DHX37: variants seen among roughly 807,000 people sequenced by gnomAD.
DHX37 encodes probable ATP-dependent RNA helicase DHX37.
Under a neutral mutation model 134.3 loss-of-function variants are expected in DHX37, and 52 were observed. That is an observed-to-expected ratio of 0.39 (90% CI 0.31 to 0.49). The LOEUF is 0.49. DHX37 is among the 20% of genes least tolerant of loss of function. DHX37 has a pLI of 0.93. For missense variants in DHX37, 1,344 were observed against 1,580.8 expected, an observed-to-expected ratio of 0.85 and a Z score of 2.54; for synonymous variants, 634 against 670.7, an observed-to-expected ratio of 0.95 and a Z score of 0.85.
At chr12:124,978,219 C>T (rs745720238) in intron 4 of DHX37, among the ~76,000 whole-genome samples, 4 of 151,992 alleles carry the variant, frequency 2.6e-5, no homozygotes, top group Non-Finnish European at 5.9e-5. Flanking sequence ...CCTCGGCCTC[C>T]CAAAGTGCTG....
At chr12:124,950,270 G>C (rs1431522259) in intron 23 of DHX37, 27 bp from the exon 24 acceptor site, 1 of 1,612,524 alleles carries the variant, frequency 6.2e-7, no homozygotes, top group African/African-American at 1.3e-5. Context: ...AGTGAGACAG[G>C]GACCCTCCTG....
In DHX37 at chr12:124,971,383, G is replaced by T. The variant is rs1954519577; in HGVS notation, c.1110C>A (p.Ile370=). 1.2e-6 allele frequency: 2 copies of T among 1,613,318 alleles called. No individual in the cohort carries two copies. Among genetic ancestry groups the T allele is most frequent in the Admixed American group, 3.3e-5 (2 of 60,000 alleles). ...DFLLLRYKVV[I]IDEAHERSVY... is the part of the protein sequence containing the mutation. ...CGCTCCTCTCGTGGGCCTCGTCGATGATCACCACCTTGTACCGCAGCAGCA... is the reference window on the plus strand; with the variant it reads ...CGCTCCTCTCGTGGGCCTCGTCGATTATCACCACCTTGTACCGCAGCAGCA... Residue 370 remains isoleucine (I), a synonymous_variant, in exon 8 of 27, where the codon ATC becomes ATA. Transcript: ENST00000308736.
intron 12 of DHX37, 101 bp from the exon 13 acceptor site, chr12:124,965,913 C>T (rs888317833): frequency 4.1e-6 from 6 of 1,480,272 alleles, no homozygotes; most frequent in Non-Finnish European, 5.5e-6. Context: ...AGCCCCGGTC[C>T]ACACCCATGG....
At chr12:124,961,338 A>G (rs899835096) in intron 15 of DHX37, among the ~76,000 whole-genome samples, 12 of 149,660 alleles carry the variant, frequency 8.0e-5, no homozygotes, top group Non-Finnish European at 1.5e-4. Flanking sequence ...GTGCACGCAC[A>G]CACACACACA....
rs557413907 is a variant in DHX37, at chr12:124,973,483, A to G, written c.981-884T>C. Among the ~76,000 whole-genome samples the G allele has an allele frequency of 2.8e-5, 4 of 140,552 alleles. No individual in the cohort carries two copies. In the South Asian group the frequency reaches 8.8e-4, roughly 31 times the overall value. The allele number at this position is 140,552 out of a possible 152,430, so 92.2% of individuals were successfully genotyped here. ...TTGAGGATAAAATAAGATACCTAAG[A>G]TTTGCTTCTAAACAGTGGGGGGGAG... is the stretch of plus-strand genomic sequence containing the variant. On this transcript the variant is annotated intron_variant, in intron 6 of 26. Coordinates refer to ENST00000308736, the MANE Select transcript of DHX37 (RefSeq NM_032656.4).
intron 2 of DHX37, among the ~76,000 whole-genome samples, chr12:124,983,785 C>CAAAAAA (rs11298102): frequency 8.5e-6 from 1 of 117,434 alleles, no homozygotes. Flanking sequence ...ACCTTGTCTC[C>CAAAAAA]AAAAAAAAAA....
rs1381962254 is a variant in DHX37 at position 124,954,211 on chromosome 12, T to C, written c.2454A>G (p.Arg818=). ...TGAGCTCCTCGTCACTGGCCGCTGG[T>C]CTGCAAACACACATACATACTGTCT... ...TVRELFEELD[R]PAASDEELTR... is the part of the protein sequence containing the mutation. The change falls in exon 19 of 27, where the codon AGA becomes AGG. Residue 818 remains arginine (R), a splice_region_variant and synonymous_variant. Transcript: ENST00000308736. 1 of 1,591,330 alleles carries C rather than the reference T, an allele frequency of 6.3e-7. No homozygotes were observed. The highest frequency in any genetic ancestry group is 1.1e-5 in the South Asian group (1 of 87,062).
chr12:124,976,325 G>C (rs186117983), intron 5 of DHX37, among the ~76,000 whole-genome samples: 1 of 152,220 alleles, frequency 6.6e-6, no homozygotes, highest in Admixed American at 6.5e-5. Flanking sequence ...GCTGAGTCCT[G>C]GGAGTCCCCG....
chr12:124,961,493 A>G (rs1365434678), intron 15 of DHX37, among the ~76,000 whole-genome samples: 1 of 152,124 alleles, frequency 6.6e-6, no homozygotes, highest in Admixed American at 6.5e-5. Flanking sequence ...CAGGGGCATG[A>G]TCTTGGCTCA....
chr12:124,975,550 C>G, intron 5 of DHX37, 39 bp from the exon 6 acceptor site: 1 of 1,598,024 alleles, frequency 6.3e-7, no homozygotes, highest in Non-Finnish European at 8.5e-7. Flanking sequence ...AGTGCGCGGC[C>G]CCACCTGTTC....
chr12:124,983,776 C>T (rs1191457995), intron 2 of DHX37, among the ~76,000 whole-genome samples: 1 of 141,606 alleles, frequency 7.1e-6, no homozygotes, highest in Non-Finnish European at 1.5e-5. Context: ...CAGAGCAAGA[C>T]CTTGTCTCCA....
At chr12:124,985,985 T>C in intron 2 of DHX37, 111 bp downstream of exon 2, 1 of 1,391,070 alleles carries the variant, frequency 7.2e-7, no homozygotes, top group Non-Finnish European at 9.8e-7. Flanking sequence ...TTTTCCTCAT[T>C]CCAGAAAGTT....
At chr12:124,963,973 C>G (rs1337233332) in intron 15 of DHX37, among the ~76,000 whole-genome samples, 2 of 150,106 alleles carry the variant, frequency 1.3e-5, no homozygotes, top group Non-Finnish European at 3.0e-5. Context: ...GTCTGGCCAA[C>G]ATGCTGAAAC....
At position 124,964,975 on chromosome 12, in the gene DHX37, G is replaced by C; in HGVS notation, c.1767C>G (p.His589Gln). The C allele has an allele frequency of 6.3e-7, 1 of 1,599,634 alleles. No individual in the cohort carries two copies. Among genetic ancestry groups the C allele is most frequent in the Non-Finnish European group, 8.5e-7 (1 of 1,174,790 alleles). ...CCAGCAGAGAGTACAGCGGGAGCAC[G>C]TGGAGCGGGAGGGAGGCATCCGGCT... The part of the protein sequence containing the change: ...GEQPDASLPL[H>Q]VLPLYSLLAP... The change falls in exon 14 of 27, where the codon CAC becomes CAG. Residue 589 changes from histidine (H) to glutamine (Q), a missense_variant. His to Gln is a conservative substitution (Grantham distance 24). This residue lies in a region of DHX37 where 289 missense variants were observed against 323.8 expected (regional missense o/e 0.89). Transcript: ENST00000308736.
rs1322391083 is a variant in DHX37 at position 124,971,395 on chromosome 12, G to A, written c.1098C>T (p.Tyr366=). ...EIQKDFLLLR[Y]KVVIIDEAHE... ...GGGCCTCGTCGATGATCACCACCTT[G>A]TACCGCAGCAGCAGGAAGTCCTGGG... The change falls in exon 8 of 27, where the codon TAC becomes TAT. Residue 366 remains tyrosine, a synonymous_variant. Coordinates refer to ENST00000308736, the MANE Select transcript of DHX37 (RefSeq NM_032656.4). 1.9e-6 allele frequency: 3 copies of A among 1,613,314 alleles called. No individual in the cohort carries two copies. The highest frequency in any genetic ancestry group is 1.1e-5 in the South Asian group (1 of 91,046).
At chr12:124,968,989 T>A (rs753548203) in intron 8 of DHX37, 21 bp from the exon 9 acceptor site, 6 of 1,610,546 alleles carry the variant, frequency 3.7e-6, no homozygotes, top group Middle Eastern at 1.7e-4. Flanking sequence ...ACAGGCTCAG[T>A]GACCGTGGCC....
chr12:124,975,604 G>A, intron 5 of DHX37, 93 bp from the exon 6 acceptor site: 1 of 1,358,140 alleles, frequency 7.4e-7, no homozygotes, highest in Non-Finnish European at 1.0e-6. Flanking sequence ...TTGCCATACT[G>A]ACCTGGCGCT....
Position 124,964,801 on chromosome 12 carries a change from C to G in DHX37, c.1812+129G>C, listed in dbSNP as rs371517524. ...GGTTCCCTATTCTCCAAAACTACCC[C>G]AATATTCCTCAAAACTCTGGGGATG... On this transcript the variant is annotated intron_variant, in intron 14 of 26. Coordinates refer to ENST00000308736, the MANE Select transcript of DHX37 (RefSeq NM_032656.4). 101 of 1,430,558 alleles carry G rather than the reference C, an allele frequency of 7.1e-5. No individual in the cohort carries two copies. The African/African-American group carries it at 1.3e-3, about 19-fold the overall frequency. 88.6% of individuals were successfully genotyped at this position (1,430,558 alleles called of 1,614,324 possible).
intron 15 of DHX37, among the ~76,000 whole-genome samples, chr12:124,963,796 C>T (rs954935873): frequency 1.0e-4 from 15 of 145,338 alleles, no homozygotes; most frequent in African/African-American, 3.9e-4. Flanking sequence ...AAGAGAATGG[C>T]GTGAACCCGG....
Sources: allele counts gnomAD v4.1 joint callset (sites outside exome capture counted in the v4.1 genomes callset), GRCh38; gene constraint gnomAD v4.1.1; regional missense constraint gnomAD v4.1.1; transcripts MANE v1.5; gene names NCBI Gene and HGNC (gene_info 2026-07-23, HGNC 2026-07-21).